Variants in MAP4K5 observed in about 807,000 individuals in gnomAD.
The protein encoded by MAP4K5 is mitogen-activated protein kinase kinase kinase kinase 5.
In MAP4K5, 82 loss-of-function variants were observed where a neutral mutation model predicts 135.6. The ratio of observed to expected loss-of-function variants is 0.60; its 90% CI spans 0.51 to 0.73. The LOEUF (loss-of-function observed/expected upper bound fraction) is 0.73. MAP4K5 is among the 30% of genes least tolerant of loss of function. The pLI is 0.00. For synonymous variants in MAP4K5, 347 were observed against 335.0 expected, an observed-to-expected ratio of 1.04 and a Z score of -0.39; for missense variants, 907 against 1,010.9, an observed-to-expected ratio of 0.90 and a Z score of 1.39.
At chr14:50,509,882 T>C (rs1215190527) in intron 2 of MAP4K5, among the ~76,000 whole-genome samples, 1 of 152,120 alleles carries the variant, frequency 6.6e-6, no homozygotes, top group Non-Finnish European at 1.5e-5. Context: ...GAACATACAG[T>C]ATAAGTTTAC....
chr14:50,422,205 A>G (rs1467877766), intron 32 of MAP4K5, among the ~76,000 whole-genome samples: 6 of 152,194 alleles, frequency 3.9e-5, no homozygotes, highest in African/African-American at 1.2e-4. Flanking sequence ...TTAGTTCTAG[A>G]GTCATTTACC....
intron 9 of MAP4K5, among the ~76,000 whole-genome samples, chr14:50,472,943 T>A (rs999529861): frequency 1.3e-5 from 2 of 152,208 alleles, no homozygotes; most frequent in African/African-American, 4.8e-5. Context: ...AAATATATTG[T>A]GTTTATCAGT....
chr14:50,468,604 C>T lies in MAP4K5; in HGVS notation c.674+47G>A, dbSNP rs767633799. The T allele has an allele frequency of 3.2e-6, 5 of 1,578,926 alleles. No homozygotes were observed. In the Admixed American group the frequency reaches 5.1e-5, roughly 16 times the overall value. ...GCTGAGTTATCAGCATTTCACTTTC[C>T]CCATAGACTTGATCAATAACTGGAT... On this transcript the variant is annotated intron_variant, in intron 10 of 32. Coordinates refer to ENST00000682126, the MANE Select transcript of MAP4K5 (RefSeq NM_006575.6).
intron 2 of MAP4K5, among the ~76,000 whole-genome samples, chr14:50,526,559 G>C (rs575921537): frequency 3.0e-4 from 46 of 152,326 alleles, no homozygotes; most frequent in Non-Finnish European, 3.7e-4. Context: ...GCCTCCCAAA[G>C]TGCTAGGATT....
chr14:50,531,372 A>G (rs2038383697), intron 2 of MAP4K5, among the ~76,000 whole-genome samples: 2 of 152,212 alleles, frequency 1.3e-5, no homozygotes, highest in Admixed American at 1.3e-4. Context: ...TTAATATCAC[A>G]TTTTTATCGC....
intron 8 of MAP4K5, among the ~76,000 whole-genome samples, 194 bp from the exon 9 acceptor site, chr14:50,475,343 G>A (rs954166807): frequency 3.3e-5 from 5 of 151,170 alleles, no homozygotes; most frequent in African/African-American, 1.2e-4. Flanking sequence ...CACTTTACTA[G>A]AATGAAAATA....
At chr14:50,560,208 C>A (rs2038818253) in intron 1 of MAP4K5, 2 of 1,606,402 alleles carry the variant, frequency 1.2e-6, no homozygotes, top group Non-Finnish European at 8.5e-7. Flanking sequence ...ACCTGCGGCC[C>A]CGGAGAAGGC....
At chr14:50,474,010 T>C (rs745512299) in intron 9 of MAP4K5, among the ~76,000 whole-genome samples, 9 of 152,138 alleles carry the variant, frequency 5.9e-5, no homozygotes, top group Non-Finnish European at 8.8e-5. Context: ...AGGTGTGAAC[T>C]TGACTATTTC....
In MAP4K5 at chr14:50,426,645, A is replaced by G. The variant is rs534372700; in HGVS notation, c.2327-668T>C. The stretch of plus-strand genomic sequence containing the variant: ...ACGCTGAAACGGGAGAATTGCTTGA[A>G]CCCCACAGGTGGAGGCTGCAGTGAG... On this transcript the variant is annotated intron_variant, in intron 30 of 32. Transcript: ENST00000682126. Among the ~76,000 whole-genome samples the G allele has an allele frequency of 2.0e-5, 3 of 152,258 alleles. No homozygotes were observed. In the East Asian group the frequency reaches 5.8e-4, roughly 29 times the overall value.
chr14:50,533,479 T>A (rs1309643667), upstream of MAP4K5: 6 of 152,174 alleles, frequency 3.9e-5, no homozygotes, highest in African/African-American at 1.4e-4. Flanking sequence ...GCACAGCATA[T>A]ATGGAACAGG....
chr14:50,460,295 A>G (rs368754279), intron 13 of MAP4K5, among the ~76,000 whole-genome samples: 18 of 152,180 alleles, frequency 1.2e-4, no homozygotes, highest in African/African-American at 2.4e-4. Context: ...AAGCAGGGAT[A>G]ATGTTAGTCT....
At position 50,419,436 on chromosome 14, in the gene MAP4K5, TTAAAAGA is replaced by T. The variant is rs540548402; in HGVS notation, c.*576_*582del. The T allele has an allele frequency of 1.1e-3, 175 of 152,778 alleles. No homozygotes were observed. Among genetic ancestry groups the T allele is most frequent in the African/African-American group, 4.1e-3 (169 of 41,558 alleles). 9.5% of individuals were successfully genotyped at this position (152,778 alleles called of 1,614,324 possible). ...AAACACTCAAAGTACTTTACTACTCTTAAAAGATAAACAAAATTCTTATACATTATAA... is the reference window on the plus strand; with the variant it reads ...AAACACTCAAAGTACTTTACTACTCTTAAACAAAATTCTTATACATTATAA... On this transcript the variant is annotated 3_prime_UTR_variant, in exon 33 of 33. Coordinates refer to ENST00000682126, the MANE Select transcript of MAP4K5 (RefSeq NM_006575.6).
At chr14:50,484,865 C>G (rs928683711) in intron 5 of MAP4K5, among the ~76,000 whole-genome samples, 2 of 151,984 alleles carry the variant, frequency 1.3e-5, no homozygotes, top group Non-Finnish European at 2.9e-5. Context: ...AGCATAGAAA[C>G]GTTTAAAAAT....
At chr14:50,528,411 A>G (rs2038314012) in intron 2 of MAP4K5, among the ~76,000 whole-genome samples, 1 of 151,826 alleles carries the variant, frequency 6.6e-6, no homozygotes, top group African/African-American at 2.4e-5. Flanking sequence ...GTAAAAAAAA[A>G]AAAAAAAAAA....
At position 50,482,433 on chromosome 14, in the gene MAP4K5, A is replaced by C; in HGVS notation, c.323-17T>G. Reference sequence around the variant, plus strand: ...GTCCAGTAACTAGAAAGAAAAAGAGACCACATTGTTATACATTTAAACCTA... The same window carrying C: ...GTCCAGTAACTAGAAAGAAAAAGAGCCCACATTGTTATACATTTAAACCTA... On this transcript the variant is annotated splice_polypyrimidine_tract_variant and intron_variant, in intron 5 of 32. Transcript: ENST00000682126. 6.7e-7 allele frequency: 1 copy of C among 1,494,828 alleles called. No homozygotes were observed. Among genetic ancestry groups the C allele is most frequent in the Non-Finnish European group, 9.0e-7 (1 of 1,114,728 alleles). The allele number at this position is 1,494,828 out of a possible 1,614,324, so 92.6% of individuals were successfully genotyped here.
chr14:50,455,658 GA>G (rs1353963198), intron 14 of MAP4K5, among the ~76,000 whole-genome samples: 4 of 152,012 alleles, frequency 2.6e-5, no homozygotes, highest in Admixed American at 2.6e-4. Context: ...TTGGGTTTAT[GA>G]AAACTCAGAC....
At chr14:50,523,363 C>G (rs867785457) in intron 2 of MAP4K5, among the ~76,000 whole-genome samples, 2 of 152,084 alleles carry the variant, frequency 1.3e-5, no homozygotes, top group African/African-American at 4.8e-5. Context: ...TGGTCCTGCA[C>G]CAGTCAATAA....
At chr14:50,447,617 A>C (rs1254621961) in intron 15 of MAP4K5, 136 bp from the exon 16 acceptor site, 2 of 600,388 alleles carry the variant, frequency 3.3e-6, no homozygotes, top group Non-Finnish European at 5.9e-6. Context: ...CTCTAGCTAG[A>C]TTTGCTTTGT....
chr14:50,482,317 T>C, intron 6 of MAP4K5, 44 bp downstream of exon 6: 1 of 1,162,336 alleles, frequency 8.6e-7, no homozygotes, highest in African/African-American at 1.6e-5. Flanking sequence ...TAAGAAAATA[T>C]TGCCTAGAAT....
Sources: allele counts gnomAD v4.1 joint callset (sites outside exome capture counted in the v4.1 genomes callset), GRCh38; gene constraint gnomAD v4.1.1; transcripts MANE v1.5; gene names NCBI Gene and HGNC (gene_info 2026-07-23, HGNC 2026-07-21).